Variants in NR4A3 observed in about 807,000 individuals in gnomAD.
NR4A3 encodes the protein nuclear receptor subfamily 4 group A member 3, also known as chondrosarcoma, extraskeletal myxoid, fused to EWS.
NR4A3 carries 13 observed loss-of-function variants against 55.6 expected under a neutral mutation model. That is an observed-to-expected ratio of 0.23 (90% confidence interval 0.15 to 0.37). NR4A3 has a LOEUF of 0.37. Ranked by LOEUF, NR4A3 falls within the 10% of genes least tolerant of loss-of-function variation. NR4A3 has a pLI of 1.00. For missense variants in NR4A3, 646 were observed against 822.8 expected, an observed-to-expected ratio of 0.79 and a Z score of 2.63; for synonymous variants, 342 against 357.9, an observed-to-expected ratio of 0.96 and a Z score of 0.50.
At chr9:99,860,877 C>T (rs1357870856) in intron 7 of NR4A3, among the ~76,000 whole-genome samples, 5 of 152,238 alleles carry the variant, frequency 3.3e-5, no homozygotes, top group Admixed American at 3.3e-4. Context: ...GACCACTTTT[C>T]CATAACATTA....
intron 3 of NR4A3, 39 bp from the exon 4 acceptor site, chr9:99,832,650 G>C (rs1485868598): frequency 3.3e-6 from 5 of 1,493,582 alleles, no homozygotes; most frequent in Non-Finnish European, 4.5e-6. Flanking sequence ...CCTCTTTCCA[G>C]AAACTATCAG....
chr9:99,845,107 A>G (rs2118584847), intron 6 of NR4A3, among the ~76,000 whole-genome samples: 1 of 152,238 alleles, frequency 6.6e-6, no homozygotes, highest in East Asian at 1.9e-4. Context: ...GTTCAATTCC[A>G]TCCTCCTTAA....
rs920420333 is a variant in NR4A3, at chr9:99,847,545, C to T, written c.1563C>T (p.Ser521=). The T allele has an allele frequency of 1.9e-6, 3 of 1,614,146 alleles. No homozygotes were observed. The highest frequency in any genetic ancestry group is 2.5e-6 in the Non-Finnish European group (3 of 1,180,030). ...GGCTCGACTCTATTAAAGACTTTTC[C>T]TTAAATTTGCAGAGCCTGAACCTTG... The part of the protein sequence containing the change: ...GEWLDSIKDF[S]LNLQSLNLDI... Residue 521 remains serine (S), a synonymous_variant, in exon 7 of 8, where the codon TCC becomes TCT. Coordinates refer to ENST00000395097, the MANE Select transcript of NR4A3 (RefSeq NM_006981.4).
At position 99,833,297 on chromosome 9, in the gene NR4A3, G is replaced by C; in HGVS notation, c.1097G>C (p.Ser366Thr). Residue 366 changes from serine (S) to threonine (T), a missense_variant, in exon 5 of 8, where the codon AGT (serine) becomes ACT (threonine). By Grantham distance (58) the Ser-to-Thr change is moderately conservative. Coordinates refer to ENST00000395097, the MANE Select transcript of NR4A3 (RefSeq NM_006981.4). Reference protein sequence around the residue: ...GMVKEVVRTDSLKGRRGRLPS... With the variant: ...GMVKEVVRTDTLKGRRGRLPS... ...TTGGCATCAGTTGTCCGTACAGATA[G>C]TCTGAAAGGGAGGAGAGGTCGTCTG... The C allele has an allele frequency of 6.2e-7, 1 of 1,612,376 alleles. No homozygotes were observed. Among genetic ancestry groups the C allele is most frequent in the Non-Finnish European group, 8.5e-7 (1 of 1,179,144 alleles).
At chr9:99,859,733 T>C (rs570975482) in intron 7 of NR4A3, among the ~76,000 whole-genome samples, 1 of 152,286 alleles carries the variant, frequency 6.6e-6, no homozygotes, top group African/African-American at 2.4e-5. Flanking sequence ...AAAGTCTGGT[T>C]ACAAGGTTCC....
Position 99,832,730 on chromosome 9 carries a change from T to G in NR4A3, c.993T>G (p.Asn331Lys). ...ATGCAAAATATGTTTGCCTGGCAAA[T>G]AAAAACTGCCCAGTAGACAAGAGAC... ...QKNAKYVCLA[N>K]KNCPVDKRRR... Residue 331 changes from asparagine (N) to lysine (K), a missense_variant, in exon 4 of 8, where the codon AAT (asparagine) becomes AAG (lysine). Transcript: ENST00000395097. The G allele has an allele frequency of 6.2e-7, 1 of 1,609,660 alleles. No homozygotes were observed. Among genetic ancestry groups the G allele is most frequent in the Non-Finnish European group, 8.5e-7 (1 of 1,176,906 alleles).
chr9:99,833,569 A>G, intron 5 of NR4A3, 115 bp downstream of exon 5: 1 of 1,609,080 alleles, frequency 6.2e-7, no homozygotes, highest in Non-Finnish European at 8.5e-7. Flanking sequence ...GACAGTTTTC[A>G]TACTTTTTCT....
intron 3 of NR4A3, 104 bp from the exon 4 acceptor site, chr9:99,832,585 C>A: frequency 2.1e-6 from 2 of 953,080 alleles, no homozygotes; most frequent in Non-Finnish European, 2.9e-6. Flanking sequence ...TCGAATTATA[C>A]GAATTGCACT....
Position 99,844,861 on chromosome 9 carries a change from A to G in NR4A3, c.1454+13A>G. 1 of 1,597,000 alleles carries G rather than the reference A, an allele frequency of 6.3e-7. No individual in the cohort carries two copies. Among genetic ancestry groups the G allele is most frequent in the Non-Finnish European group, 8.6e-7 (1 of 1,164,512 alleles). ...GACTTTCCATCAGGTAATTACTACT[A>G]TTTTATCTTCAGTCTACGTCCTTTG... On this transcript the variant is annotated intron_variant, in intron 6 of 7. Transcript: ENST00000395097.
intron 5 of NR4A3, among the ~76,000 whole-genome samples, chr9:99,836,219 G>A (rs1323422549): frequency 6.6e-6 from 1 of 151,904 alleles, no homozygotes; most frequent in Non-Finnish European, 1.5e-5. Context: ...GGAACAGGAA[G>A]GGCTGAAACC....
At chr9:99,833,185 T>C in intron 4 of NR4A3, 97 bp from the exon 5 acceptor site, 4 of 1,438,688 alleles carry the variant, frequency 2.8e-6, no homozygotes, top group Non-Finnish European at 3.7e-6. Context: ...TCATTAATGA[T>C]TGCTCAACTG....
intron 5 of NR4A3, 79 bp downstream of exon 5, chr9:99,833,533 A>G (rs759598820): frequency 6.2e-7 from 1 of 1,613,412 alleles, no homozygotes; most frequent in South Asian, 1.1e-5. Context: ...AGTTGATTGA[A>G]TGATTTTGTG....
chr9:99,829,012 C>T lies in NR4A3; in HGVS notation c.951+19C>T. ...TTTCAAGGTGAGCGCACGCCGCCCC[C>T]TCCCCTCCGCACCCAGCCCCCTCAC... On this transcript the variant is annotated intron_variant, in intron 3 of 7. Coordinates refer to ENST00000395097, the MANE Select transcript of NR4A3 (RefSeq NM_006981.4). 7.6e-7 allele frequency: 1 copy of T among 1,323,026 alleles called. No individual in the cohort carries two copies. The highest frequency in any genetic ancestry group is 1.5e-5 in the African/African-American group (1 of 66,222). The allele number at this position is 1,323,026 out of a possible 1,614,324, so 82.0% of individuals were successfully genotyped here. A position where few individuals can be genotyped will look rare whatever the true frequency, so the allele number is the denominator to read the frequency against.
In NR4A3 at chr9:99,825,890, A is replaced by C; in HGVS notation, c.-3+58A>C. 1 of 179,644 alleles carries C rather than the reference A, an allele frequency of 5.6e-6. No homozygotes were observed. The highest frequency in any genetic ancestry group is 6.3e-5 in the Admixed American group (1 of 15,882). 11.1% of individuals were successfully genotyped at this position (179,644 alleles called of 1,614,324 possible). On this transcript the variant is annotated intron_variant, in intron 2 of 7. Coordinates refer to ENST00000395097, the MANE Select transcript of NR4A3 (RefSeq NM_006981.4). The surrounding 1 kb of genome is among the most constrained non-coding windows in gnomAD (Gnocchi z 5.0). ...CTGGCTGAGGGAAGTGGGTGGGGGA[A>C]CCACACACTCGGCGGGCAGCGTGGT...
intron 7 of NR4A3, among the ~76,000 whole-genome samples, chr9:99,859,393 A>G (rs1274278955): frequency 6.6e-6 from 1 of 152,114 alleles, no homozygotes; most frequent in African/African-American, 2.4e-5. Context: ...ACACTTAGTG[A>G]CTCCCTAGTG....
intron 2 of NR4A3, among the ~76,000 whole-genome samples, chr9:99,827,670 C>T (rs984281371): frequency 1.3e-5 from 2 of 152,180 alleles, no homozygotes; most frequent in Non-Finnish European, 2.9e-5. Context: ...TCTTTGTCCC[C>T]CTAGGTTATA....
chr9:99,830,634 TTTA>T (rs1827420276), intron 3 of NR4A3, among the ~76,000 whole-genome samples: 1 of 152,230 alleles, frequency 6.6e-6, no homozygotes, highest in Non-Finnish European at 1.5e-5. Context: ...GTCATTTTAT[TTTA>T]TTTTTTAGCC....
Position 99,822,815 on chromosome 9 carries a change from T to A in NR4A3, c.-177+408T>A, listed in dbSNP as rs1005923800. On this transcript the variant is annotated intron_variant, in intron 1 of 7. Transcript: ENST00000395097. The surrounding 1 kb of genome is among the most constrained non-coding windows in gnomAD (Gnocchi z 4.9). The stretch of plus-strand genomic sequence containing the variant: ...AGCTCCGGTGATGAACGGCAGTAAT[T>A]TTCCTGCCTTTTAAGTAGGATTGAA... Among the ~76,000 whole-genome samples, 1 of 152,128 alleles carries A rather than the reference T, an allele frequency of 6.6e-6. No individual in the cohort carries two copies. Among genetic ancestry groups the A allele is most frequent in the Non-Finnish European group, 1.5e-5 (1 of 68,026 alleles).
chr9:99,863,069 T>TTTC (rs1828035541), intron 7 of NR4A3, among the ~76,000 whole-genome samples: 1 of 152,182 alleles, frequency 6.6e-6, no homozygotes, highest in Non-Finnish European at 1.5e-5. Flanking sequence ...TGTTGGGTCT[T>TTTC]TTCGAGCAGC....
Sources: gnomAD v4.1 joint callset for allele counts (sites outside exome capture counted in the v4.1 genomes callset) on GRCh38, gnomAD v4.1.1 for gene constraint, Gnocchi (gnomAD v3.1) non-coding constraint, MANE v1.5 for transcripts, NCBI Gene and HGNC (gene_info 2026-07-23, HGNC 2026-07-21) for gene names.